Variants in NLGN1 observed in about 807,000 individuals in gnomAD.
NLGN1 encodes neuroligin 1.
In NLGN1, 12 loss-of-function variants were observed where a neutral mutation model predicts 65.5. The ratio of observed to expected loss-of-function variants is 0.18; its 90% CI spans 0.12 to 0.30. The LOEUF (loss-of-function observed/expected upper bound fraction) is 0.30. Ranked by LOEUF, NLGN1 falls within the 10% of genes least tolerant of loss-of-function variation. The pLI, the probability that NLGN1 is intolerant of heterozygous loss-of-function variation, is 1.00. For missense variants in NLGN1, 750 were observed against 1,007.1 expected, an observed-to-expected ratio of 0.74 and a Z score of 3.46; for synonymous variants, 350 against 359.5, an observed-to-expected ratio of 0.97 and a Z score of 0.30.
rs181821657 is a variant in NLGN1 at position 174,194,403 on chromosome 3, C to T, written c.647-80912C>T. Among the ~76,000 whole-genome samples, 208 of 150,570 alleles carry T rather than the reference C, an allele frequency of 1.4e-3. 1 individual carries two copies. The highest frequency in any genetic ancestry group is 2.4e-3 in the Non-Finnish European group (161 of 67,728). On this transcript the variant is annotated intron_variant, in intron 4 of 6. Transcript: ENST00000457714. ...GGCGGAGGTTTCAGTGAGCTGAGGTCGCACCACTGAACTCCAGCCTGGAGA... is the reference window on the plus strand; with the variant it reads ...GGCGGAGGTTTCAGTGAGCTGAGGTTGCACCACTGAACTCCAGCCTGGAGA...
At chr3:174,273,739 A>ATGAG (rs1040110347) in intron 4 of NLGN1, among the ~76,000 whole-genome samples, 29 of 151,720 alleles carry the variant, frequency 1.9e-4, no homozygotes, top group African/African-American at 7.0e-4. Context: ...CACACACACA[A>ATGAG]TGAGTTAGAG....
At chr3:173,625,688 A>G (rs1754719508) in intron 3 of NLGN1, among the ~76,000 whole-genome samples, 1 of 152,174 alleles carries the variant, frequency 6.6e-6, no homozygotes, top group Non-Finnish European at 1.5e-5. Flanking sequence ...ATTAAGAGAT[A>G]TTAACTGATA....
intron 4 of NLGN1, among the ~76,000 whole-genome samples, chr3:174,238,675 A>G (rs1742206724): frequency 6.6e-6 from 1 of 152,084 alleles, no homozygotes; most frequent in Non-Finnish European, 1.5e-5. Flanking sequence ...AGTACTTCTT[A>G]TGTTTTTTTC....
intron 2 of NLGN1, among the ~76,000 whole-genome samples, chr3:173,467,578 A>T (rs1412969478): frequency 6.6e-6 from 1 of 152,126 alleles, no homozygotes; most frequent in Non-Finnish European, 1.5e-5. Flanking sequence ...TCATCAGCAG[A>T]CATTGCCATC....
chr3:173,962,560 G>A (rs1267480314), intron 4 of NLGN1, among the ~76,000 whole-genome samples: 1 of 152,062 alleles, frequency 6.6e-6, no homozygotes, highest in Non-Finnish European at 1.5e-5. Flanking sequence ...TCTAAAACAA[G>A]TGTTACATTG....
chr3:173,982,089 G>T (rs193150478), intron 4 of NLGN1, among the ~76,000 whole-genome samples: 2 of 151,986 alleles, frequency 1.3e-5, no homozygotes, highest in African/African-American at 4.8e-5. Flanking sequence ...CTAAGATGTC[G>T]CAGCATTAAT....
At chr3:173,747,605 T>G (rs1408617688) in intron 3 of NLGN1, among the ~76,000 whole-genome samples, 1 of 145,946 alleles carries the variant, frequency 6.9e-6, no homozygotes, top group Non-Finnish European at 1.5e-5. Context: ...AAGAGATACT[T>G]TTTATGCACT....
At chr3:174,078,612 A>G (rs1191760043) in intron 4 of NLGN1, among the ~76,000 whole-genome samples, 1 of 152,168 alleles carries the variant, frequency 6.6e-6, no homozygotes, top group African/African-American at 2.4e-5. Flanking sequence ...GTAAATCCTA[A>G]ATCATTATGA....
intron 2 of NLGN1, among the ~76,000 whole-genome samples, chr3:173,495,854 T>A (rs1002958814): frequency 1.3e-5 from 2 of 151,710 alleles, no homozygotes; most frequent in African/African-American, 2.4e-5. Context: ...TCTCTGTACA[T>A]GAAGTTTGTG....
At chr3:173,731,650 C>A (rs1161611789) in intron 3 of NLGN1, among the ~76,000 whole-genome samples, 1 of 151,934 alleles carries the variant, frequency 6.6e-6, no homozygotes, top group Non-Finnish European at 1.5e-5. Flanking sequence ...CTTCTTCAAT[C>A]TGAAAAACAG....
intron 2 of NLGN1, among the ~76,000 whole-genome samples, chr3:173,579,489 C>T (rs1475401294): frequency 1.3e-5 from 2 of 152,146 alleles, no homozygotes; most frequent in Admixed American, 1.3e-4. Context: ...GATAAATAAA[C>T]AAACAAACAA....
chr3:174,119,391 C>T (rs1717261604), intron 4 of NLGN1, among the ~76,000 whole-genome samples: 1 of 152,134 alleles, frequency 6.6e-6, no homozygotes. Flanking sequence ...TTATCTCACT[C>T]TTTTTAACCA....
At chr3:173,534,476 TC>T (rs1226911087) in intron 2 of NLGN1, among the ~76,000 whole-genome samples, 1 of 152,074 alleles carries the variant, frequency 6.6e-6, no homozygotes, top group Non-Finnish European at 1.5e-5. Context: ...CTGTCTCTCT[TC>T]CCCCCATGGC....
intron 4 of NLGN1, among the ~76,000 whole-genome samples, chr3:174,162,757 T>C (rs568400337): frequency 7.8e-4 from 118 of 151,034 alleles, no homozygotes; most frequent in African/African-American, 2.6e-3. Flanking sequence ...AAATGTGAGC[T>C]TCCCATGGAT....
chr3:173,479,063 A>G (rs1038745843), intron 2 of NLGN1, among the ~76,000 whole-genome samples: 2 of 152,178 alleles, frequency 1.3e-5, no homozygotes, highest in Non-Finnish European at 2.9e-5. Flanking sequence ...TGGAGAAGGA[A>G]ATAGGTAAAA....
At chr3:174,009,518 C>T (rs1250687821) in intron 4 of NLGN1, among the ~76,000 whole-genome samples, 1 of 152,134 alleles carries the variant, frequency 6.6e-6, no homozygotes, top group African/African-American at 2.4e-5. Context: ...CTTAGAGAGA[C>T]TACATCCCTG....
chr3:173,780,691 A>G (rs982326562), intron 3 of NLGN1, among the ~76,000 whole-genome samples: 2 of 152,220 alleles, frequency 1.3e-5, no homozygotes, highest in African/African-American at 4.8e-5. Flanking sequence ...GTGTGCACAA[A>G]TAAAGTTGTT....
intron 2 of NLGN1, among the ~76,000 whole-genome samples, chr3:173,591,677 A>G (rs1426529862): frequency 1.3e-5 from 2 of 152,130 alleles, no homozygotes; most frequent in African/African-American, 4.8e-5. Context: ...TTCTCTGGCA[A>G]CAAGGGATTT....
intron 2 of NLGN1, among the ~76,000 whole-genome samples, chr3:173,520,580 T>C (rs1734584142): frequency 1.3e-5 from 2 of 152,148 alleles, no homozygotes. Context: ...CATAATGTAG[T>C]GTGGTCAAAG....
Sources: gnomAD v4.1 joint callset for allele counts (sites outside exome capture counted in the v4.1 genomes callset) on GRCh38, gnomAD v4.1.1 for gene constraint, MANE v1.5 for transcripts, NCBI Gene and HGNC (gene_info 2026-07-23, HGNC 2026-07-21) for gene names.